ATRNL1: variants seen among roughly 807,000 people sequenced by gnomAD.
The protein encoded by ATRNL1 is attractin-like protein 1.
Under a neutral mutation model 182.7 loss-of-function variants are expected in ATRNL1, and 95 were observed. The observed-to-expected ratio is 0.52, with a 90% confidence interval of 0.44 to 0.62. The LOEUF (loss-of-function observed/expected upper bound fraction) is 0.62, where lower values mean the gene tolerates loss of function less well. Ranked by LOEUF, ATRNL1 falls within the 20% of genes least tolerant of loss-of-function variation. The probability of loss-of-function intolerance (pLI) is 0.00; values close to 1 mark genes in which losing one functional copy is unlikely to be tolerated. For missense variants in ATRNL1, 1,471 were observed against 1,679.5 expected (o/e 0.88, Z 2.17); for synonymous variants, 576 against 568.3 (o/e 1.01, Z -0.19).
At chr10:115,376,599 T>C in intron 19 of ATRNL1, among the ~76,000 whole-genome samples, 1 of 152,202 alleles carries the variant, frequency 6.6e-6, no homozygotes, top group East Asian at 1.9e-4. Context: ...TCTCAAGTGA[T>C]CCTTCTGCCT....
At chr10:115,714,743 A>G (rs1350870384) in intron 26 of ATRNL1, among the ~76,000 whole-genome samples, 3 of 152,156 alleles carry the variant, frequency 2.0e-5, no homozygotes, top group Non-Finnish European at 4.4e-5. Flanking sequence ...ATCCACTTAA[A>G]ATTTTCATCA....
intron 1 of ATRNL1, among the ~76,000 whole-genome samples, chr10:115,099,595 A>G (rs1041359234): frequency 2.0e-5 from 3 of 152,208 alleles, no homozygotes; most frequent in Non-Finnish European, 4.4e-5. Context: ...ATCCATACCA[A>G]TACTTGGTAT....
At position 115,925,921 on chromosome 10, in the gene ATRNL1, A is replaced by G. The variant is rs143286044; in HGVS notation, c.4019-18737A>G. 3.3e-3 allele frequency among the ~76,000 whole-genome samples: 497 copies of G among 152,344 alleles called. 4 individuals are homozygous for G. Among genetic ancestry groups the G allele is most frequent in the Admixed American group, 4.7e-3 (72 of 15,304 alleles). On this transcript the variant is annotated intron_variant, in intron 28 of 28. Coordinates refer to ENST00000355044, the MANE Select transcript of ATRNL1 (RefSeq NM_207303.4). ...TCTGGATCATGTGGACCTAATAGACATCTACAGAACTCTCCACCCCAAATC... is the reference window on the plus strand; with the variant it reads ...TCTGGATCATGTGGACCTAATAGACGTCTACAGAACTCTCCACCCCAAATC...
At chr10:115,448,846 C>T (rs935213379) in intron 21 of ATRNL1, among the ~76,000 whole-genome samples, 1 of 148,118 alleles carries the variant, frequency 6.8e-6, no homozygotes, top group African/African-American at 2.6e-5. Context: ...AATGTAATAG[C>T]GTGCCAACCA....
At chr10:115,223,141 C>T (rs1009808082) in intron 9 of ATRNL1, among the ~76,000 whole-genome samples, 9 of 152,066 alleles carry the variant, frequency 5.9e-5, no homozygotes, top group African/African-American at 1.7e-4. Context: ...ATTAGCCAGG[C>T]ATGGTGGCAT....
intron 27 of ATRNL1, among the ~76,000 whole-genome samples, chr10:115,831,197 T>G (rs956547601): frequency 6.6e-6 from 1 of 152,164 alleles, no homozygotes; most frequent in Admixed American, 6.5e-5. Context: ...AGTGCGTCAC[T>G]GACTCTTTGC....
intron 25 of ATRNL1, among the ~76,000 whole-genome samples, chr10:115,536,015 C>A (rs1314629861): frequency 6.6e-6 from 1 of 151,586 alleles, no homozygotes; most frequent in Non-Finnish European, 1.5e-5. Context: ...TCAGTCTGCC[C>A]CTACTGGGGG....
chr10:115,697,221 A>T (rs565691869), intron 26 of ATRNL1, among the ~76,000 whole-genome samples: 17 of 152,214 alleles, frequency 1.1e-4, no homozygotes, highest in African/African-American at 4.1e-4. Context: ...AAAAGTGTTC[A>T]TGTCCTTTGC....
At chr10:115,554,407 A>G (rs1853190241) in intron 26 of ATRNL1, among the ~76,000 whole-genome samples, 1 of 151,652 alleles carries the variant, frequency 6.6e-6, no homozygotes, top group Non-Finnish European at 1.5e-5. Flanking sequence ...GTATGCAGTT[A>G]AGATTTGAAA....
At chr10:115,661,425 A>G (rs967035369) in intron 26 of ATRNL1, among the ~76,000 whole-genome samples, 2 of 152,162 alleles carry the variant, frequency 1.3e-5, no homozygotes, top group African/African-American at 4.8e-5. Context: ...AATGAGTTAG[A>G]TCAATATGGT....
intron 27 of ATRNL1, among the ~76,000 whole-genome samples, chr10:115,833,881 G>A (rs1555094547): frequency 2.0e-5 from 3 of 152,136 alleles, no homozygotes; most frequent in African/African-American, 7.2e-5. Flanking sequence ...TAAAGCTTTA[G>A]TTTAAAGGTC....
intron 5 of ATRNL1, among the ~76,000 whole-genome samples, chr10:115,132,166 T>C (rs943185020): frequency 1.3e-5 from 2 of 148,684 alleles, no homozygotes; most frequent in African/African-American, 5.2e-5. Flanking sequence ...CACCTATAAG[T>C]GAGAACACGC....
At chr10:115,939,845 T>G (rs1555123771) in intron 28 of ATRNL1, among the ~76,000 whole-genome samples, 1 of 152,086 alleles carries the variant, frequency 6.6e-6, no homozygotes. Context: ...AGAAGACCTC[T>G]CACCAGGAAA....
intron 18 of ATRNL1, among the ~76,000 whole-genome samples, chr10:115,332,703 T>C (rs1855284921): frequency 6.6e-6 from 1 of 152,228 alleles, no homozygotes; most frequent in Admixed American, 6.5e-5. Flanking sequence ...TTTACTCTTT[T>C]GTTTGTCTGT....
chr10:115,476,779 T>C (rs533627407), intron 24 of ATRNL1, among the ~76,000 whole-genome samples: 60 of 151,550 alleles, frequency 4.0e-4, no homozygotes, highest in Admixed American at 2.0e-3. Context: ...TTTTTAACTC[T>C]TGCTTAGCTT....
intron 26 of ATRNL1, among the ~76,000 whole-genome samples, chr10:115,704,415 C>T (rs879955161): frequency 1.3e-5 from 2 of 151,862 alleles, no homozygotes; most frequent in African/African-American, 2.4e-5. Flanking sequence ...TGCAATGGCC[C>T]TATTTCCAAA....
chr10:115,694,393 C>G (rs1555049125), intron 26 of ATRNL1, among the ~76,000 whole-genome samples: 2 of 151,976 alleles, frequency 1.3e-5, no homozygotes, highest in African/African-American at 4.8e-5. Context: ...TTTGGATGCT[C>G]TAACATTATG....
intron 25 of ATRNL1, among the ~76,000 whole-genome samples, chr10:115,523,358 CTT>C (rs1394385708): frequency 2.0e-5 from 3 of 152,174 alleles, no homozygotes; most frequent in Non-Finnish European, 4.4e-5. Context: ...CCCCCATTGT[CTT>C]TACTAATAGT....
intron 28 of ATRNL1, among the ~76,000 whole-genome samples, chr10:115,893,921 CAA>C (rs1952141817): frequency 6.7e-6 from 1 of 149,672 alleles, no homozygotes; most frequent in South Asian, 2.1e-4. Flanking sequence ...TCAGGGAAGA[CAA>C]AATTCAAAAG....
Sources: gnomAD v4.1 joint callset for allele counts (sites outside exome capture counted in the v4.1 genomes callset) on GRCh38, gnomAD v4.1.1 for gene constraint, MANE v1.5 for transcripts, NCBI Gene and HGNC (gene_info 2026-07-23, HGNC 2026-07-21) for gene names.